Variants in NTRK3 observed in about 807,000 individuals in gnomAD.
NTRK3 encodes neurotrophic receptor tyrosine kinase 3, also known as NT-3 growth factor receptor.
NTRK3 carries 24 observed loss-of-function variants against 91.7 expected under a neutral mutation model. The observed-to-expected ratio is 0.26, with a 90% CI of 0.19 to 0.37. NTRK3 has a LOEUF of 0.37. Ranked by LOEUF, NTRK3 falls within the 10% of genes least tolerant of loss-of-function variation. NTRK3 has a pLI of 1.00. For missense variants in NTRK3, 880 were observed against 1,068.9 expected, an observed-to-expected ratio of 0.82 and a Z score of 2.46; for synonymous variants, 483 against 404.0, an observed-to-expected ratio of 1.20 and a Z score of -2.34.
chr15:88,155,342 G>A (rs1050483307), intron 5 of NTRK3, among the ~76,000 whole-genome samples: 1 of 152,190 alleles, frequency 6.6e-6, no homozygotes, highest in African/African-American at 2.4e-5. Context: ...GAATGTGAGT[G>A]ACCTCTAGAA....
At chr15:88,017,452 G>A (rs1323986342) in intron 14 of NTRK3, among the ~76,000 whole-genome samples, 3 of 152,224 alleles carry the variant, frequency 2.0e-5, no homozygotes, top group Non-Finnish European at 2.9e-5. Context: ...AAAAGTGAAA[G>A]CTTGGAGTTA....
intron 12 of NTRK3, among the ~76,000 whole-genome samples, chr15:88,126,585 A>T (rs1480303840): frequency 6.6e-6 from 1 of 152,194 alleles, no homozygotes; most frequent in Admixed American, 6.5e-5. Context: ...TGATTAGAGA[A>T]AGTTCCACGA....
chr15:88,109,274 T>C (rs976775924), intron 13 of NTRK3, among the ~76,000 whole-genome samples: 6 of 151,854 alleles, frequency 4.0e-5, no homozygotes, highest in East Asian at 3.9e-4. Context: ...GTGGGGAAAA[T>C]TGGGGCGTTC....
intron 13 of NTRK3, among the ~76,000 whole-genome samples, chr15:88,093,908 C>T (rs1179922187): frequency 3.3e-5 from 5 of 152,136 alleles, no homozygotes; most frequent in Non-Finnish European, 5.9e-5. Context: ...CTCAACAGCA[C>T]GAGGTGGTAT....
At chr15:88,030,557 G>A (rs1596817761) in intron 14 of NTRK3, among the ~76,000 whole-genome samples, 1 of 152,150 alleles carries the variant, frequency 6.6e-6, no homozygotes, top group Non-Finnish European at 1.5e-5. Context: ...GGAATCCAGA[G>A]CTTCCACTAA....
chr15:87,871,363 G>A, exon 19 of NTRK3: 1 of 231,394 alleles, frequency 4.3e-6, no homozygotes, highest in South Asian at 1.8e-4. Flanking sequence ...AATACCCAAT[G>A]CAGTGACACA....
At chr15:88,080,279 A>C (rs998211880) in intron 13 of NTRK3, among the ~76,000 whole-genome samples, 1 of 152,222 alleles carries the variant, frequency 6.6e-6, no homozygotes, top group East Asian at 1.9e-4. Flanking sequence ...TTTTTGAAAA[A>C]TACTGTCAAA....
At chr15:87,865,955 TC>T (rs2064663802) in exon 19 of NTRK3, 1 of 231,116 alleles carries the variant, frequency 4.3e-6, no homozygotes, top group Admixed American at 5.7e-5. Context: ...AAAATGTGTC[TC>T]AAAAGCGGCT....
At chr15:88,111,330 T>C (rs1237024094) in intron 13 of NTRK3, among the ~76,000 whole-genome samples, 1 of 152,058 alleles carries the variant, frequency 6.6e-6, no homozygotes, top group Non-Finnish European at 1.5e-5. Context: ...CTTGCATCCT[T>C]GGAGAGAGAG....
At chr15:87,909,668 C>G (rs1481698035) in intron 17 of NTRK3, among the ~76,000 whole-genome samples, 3 of 152,150 alleles carry the variant, frequency 2.0e-5, no homozygotes, top group East Asian at 3.9e-4. Context: ...GAAGTCCTAA[C>G]CCCAAGTTCT....
intron 5 of NTRK3, among the ~76,000 whole-genome samples, chr15:88,166,658 T>C (rs1023665293): frequency 6.6e-6 from 1 of 152,284 alleles, no homozygotes. Flanking sequence ...AAATATTCAT[T>C]TGGGAACGTT....
At chr15:87,989,624 A>G (rs2075129163) in intron 14 of NTRK3, among the ~76,000 whole-genome samples, 1 of 152,164 alleles carries the variant, frequency 6.6e-6, no homozygotes, top group South Asian at 2.1e-4. Context: ...CACGTTGTGC[A>G]CATGTACCCT....
intron 3 of NTRK3, among the ~76,000 whole-genome samples, chr15:88,195,043 C>T (rs941443265): frequency 1.3e-5 from 2 of 152,200 alleles, no homozygotes; most frequent in African/African-American, 4.8e-5. Flanking sequence ...GACTGTGCCC[C>T]CCAGGCTTGG....
rs141498560 is a variant in NTRK3 at position 87,981,460 on chromosome 15, A to G, written c.1586-40707T>C. 6.4e-4 allele frequency: 998 copies of G among 1,554,674 alleles called. 3 individuals carry two copies. In the African/African-American group the frequency reaches 0.012, roughly 18 times the overall value. On this transcript the variant is annotated intron_variant, in intron 14 of 18. Transcript: ENST00000394480. ...TTTTCTTAAGTGCACAATGCCAGAA[A>G]CAGAAATCCAGGTTTCTCAGCTCCT... is the stretch of plus-strand genomic sequence containing the variant.
chr15:88,114,392 T>G (rs1367536755), intron 13 of NTRK3, among the ~76,000 whole-genome samples: 1 of 152,232 alleles, frequency 6.6e-6, no homozygotes, highest in Non-Finnish European at 1.5e-5. Flanking sequence ...CCTAGGTATG[T>G]GTATAAAAAT....
At chr15:87,869,110 C>T (rs182926061) in exon 19 of NTRK3, 2 of 229,062 alleles carry the variant, frequency 8.7e-6, no homozygotes, top group East Asian at 1.2e-4. Flanking sequence ...GCAGTTCCCT[C>T]AGGGGAAACC....
chr15:87,876,198 G>A, exon 19 of NTRK3: 1 of 233,448 alleles, frequency 4.3e-6, no homozygotes, highest in Non-Finnish European at 8.5e-6. Flanking sequence ...GATGCTGTCA[G>A]CTCTTGTCAT....
At chr15:87,926,045 T>C (rs897557610) in intron 17 of NTRK3, among the ~76,000 whole-genome samples, 2 of 152,330 alleles carry the variant, frequency 1.3e-5, no homozygotes, top group Non-Finnish European at 2.9e-5. Flanking sequence ...ACTTTAACAA[T>C]AGAAAAATTG....
intron 3 of NTRK3, among the ~76,000 whole-genome samples, chr15:88,248,013 C>T (rs1208718321): frequency 1.3e-5 from 2 of 152,218 alleles, no homozygotes; most frequent in Admixed American, 1.3e-4. Flanking sequence ...CAAAGCTCTA[C>T]CTGGGAGAAG....
Sources: gnomAD v4.1 joint callset for allele counts (sites outside exome capture counted in the v4.1 genomes callset) on GRCh38, gnomAD v4.1.1 for gene constraint, MANE v1.5 for transcripts, NCBI Gene and HGNC (gene_info 2026-07-23, HGNC 2026-07-21) for gene names.